ADH1A: variants seen among roughly 807,000 people sequenced by gnomAD.
The protein encoded by ADH1A is alcohol dehydrogenase 1A.
A neutral mutation model predicts 35.2 loss-of-function variants in ADH1A; 29 were observed. That is an observed-to-expected ratio of 0.82 (90% CI 0.61 to 1.12). The LOEUF (loss-of-function observed/expected upper bound fraction) is 1.12, where lower values mean the gene tolerates loss of function less well. Among genes scored for constraint, ADH1A ranks in the 50% most tolerant of loss-of-function variants. ADH1A has a pLI of 0.00. For missense variants in ADH1A, 469 were observed against 464.7 expected (o/e 1.01, Z -0.09); for synonymous variants, 147 against 164.8 (o/e 0.89, Z 0.83).
chr4:99,279,689 A>C, intron 7 of ADH1A, 125 bp from the exon 8 acceptor site: 1 of 1,182,752 alleles, frequency 8.5e-7, no homozygotes, highest in South Asian at 1.4e-5. Flanking sequence ...ACTGAGGTTA[A>C]TAAGAGATAC....
chr4:99,279,519 A>T lies in ADH1A; in HGVS notation c.1010T>A (p.Met337Lys). ...ECVPKLVADF[M>K]AKKFSLDALI... is the part of the protein sequence containing the mutation. ...TGCATCCAATGAAAACTTCTTAGCC[A>T]TAAAATCAGCCACAAGTTTTGGGAC... Residue 337 changes from methionine to lysine, a missense_variant, in exon 8 of 9, where the codon ATG (methionine) becomes AAG (lysine). Coordinates refer to ENST00000209668, the MANE Select transcript of ADH1A (RefSeq NM_000667.4). 2 of 1,611,196 alleles carry T rather than the reference A, an allele frequency of 1.2e-6. No individual in the cohort carries two copies. Among genetic ancestry groups the T allele is most frequent in the Non-Finnish European group, 1.7e-6 (2 of 1,179,084 alleles).
Position 99,284,752 on chromosome 4 carries a change from C to A in ADH1A, c.311G>T (p.Cys104Phe). The change falls in exon 4 of 9, where the codon TGT becomes TTT. Residue 104 changes from cysteine to phenylalanine, a missense_variant. Coordinates refer to ENST00000209668, the MANE Select transcript of ADH1A (RefSeq NM_000667.4). ...GCAGTAGTTGCTCTCCGGGTTTTTA[C>A]AAATTCTGCATTTTCCACACTGAGG... Reference protein sequence around the residue: ...AIPQCGKCRICKNPESNYCLK... With the variant: ...AIPQCGKCRIFKNPESNYCLK... 1.2e-6 allele frequency: 2 copies of A among 1,614,146 alleles called. No individual in the cohort carries two copies. The highest frequency in any genetic ancestry group is 1.7e-6 in the Non-Finnish European group (2 of 1,180,032).
At chr4:99,276,740 T>G in intron 8 of ADH1A, 92 bp from the exon 9 acceptor site, 1 of 1,256,136 alleles carries the variant, frequency 8.0e-7, no homozygotes, top group South Asian at 1.2e-5. Flanking sequence ...AGTGAAAATC[T>G]GTCTGTTCTC....
chr4:99,279,350 C>T, intron 8 of ADH1A, 76 bp downstream of exon 8: 1 of 1,504,658 alleles, frequency 6.6e-7, no homozygotes, highest in Non-Finnish European at 8.8e-7. Flanking sequence ...CTCATCCTTC[C>T]ACCTTTTCAT....
intron 6 of ADH1A, among the ~76,000 whole-genome samples, chr4:99,281,598 C>G (rs957360534): frequency 1.3e-5 from 2 of 151,972 alleles, no homozygotes; most frequent in African/African-American, 4.8e-5. Context: ...AGAGTGAGAC[C>G]CTGTCTCAAA....
At chr4:99,277,976 C>T (rs1233557683) in intron 8 of ADH1A, among the ~76,000 whole-genome samples, 5 of 151,790 alleles carry the variant, frequency 3.3e-5, no homozygotes, top group Non-Finnish European at 7.4e-5. Flanking sequence ...AATTGCTTTC[C>T]CAAAAGGATG....
At chr4:99,279,753 C>T (rs1732952489) in intron 7 of ADH1A, among the ~76,000 whole-genome samples, 189 bp from the exon 8 acceptor site, 1 of 151,976 alleles carries the variant, frequency 6.6e-6, no homozygotes, top group South Asian at 2.1e-4. Flanking sequence ...CACAGATAAA[C>T]AAGGGTCCCT....
intron 1 of ADH1A, among the ~76,000 whole-genome samples, chr4:99,289,739 T>A (rs1733245013): frequency 2.0e-5 from 3 of 152,232 alleles, no homozygotes; most frequent in African/African-American, 7.2e-5. Context: ...GTCTATTTCA[T>A]CAGTTATTAT....
intron 3 of ADH1A, 24 bp downstream of exon 3, chr4:99,286,826 G>T (rs1733162876): frequency 6.2e-7 from 1 of 1,611,796 alleles, no homozygotes; most frequent in Non-Finnish European, 8.5e-7. Context: ...GAACCATCAT[G>T]TTTCCTGAAT....
At chr4:99,279,901 TAC>T (rs1307860336) in intron 7 of ADH1A, among the ~76,000 whole-genome samples, 1 of 152,168 alleles carries the variant, frequency 6.6e-6, no homozygotes, top group Non-Finnish European at 1.5e-5. Flanking sequence ...TCCCATGCCT[TAC>T]ACAGTTACAA....
In ADH1A at chr4:99,276,420, C is replaced by G; in HGVS notation, c.*204G>C. 1 of 604,428 alleles carries G rather than the reference C, an allele frequency of 1.7e-6. No homozygotes were observed. Among genetic ancestry groups the G allele is most frequent in the Non-Finnish European group, 2.9e-6 (1 of 341,834 alleles). The allele number at this position is 604,428 out of a possible 1,614,324, so 37.4% of individuals were successfully genotyped here. ...TCAATTCCCCAGCTGATGTTCAACA[C>G]TTTATTTAGTTCTCATTTGGATTTT... On this transcript the variant is annotated 3_prime_UTR_variant, in exon 9 of 9. Transcript: ENST00000209668.
At position 99,276,625 on chromosome 4, in the gene ADH1A, C is replaced by T. The variant is rs772959085; in HGVS notation, c.1127G>A (p.Ter376=). 1.2e-6 allele frequency: 2 copies of T among 1,612,186 alleles called. No individual in the cohort carries two copies. The highest frequency in any genetic ancestry group is 1.7e-5 in the Admixed American group (1 of 59,968). ...GKSIRTILMF[*] Reference sequence around the variant, plus strand: ...ACAAGGGAAAACATCTGTATTGTCTCAAAACATCAGAATGGTACGGATACT... The same window carrying T: ...ACAAGGGAAAACATCTGTATTGTCTTAAAACATCAGAATGGTACGGATACT... Residue 376 remains the stop codon, a stop_retained_variant, in exon 9 of 9, where the codon TGA becomes TAA. Transcript: ENST00000209668.
At chr4:99,288,903 G>T (rs188219770) in intron 1 of ADH1A, 5 of 152,054 alleles carry the variant, frequency 3.3e-5, no homozygotes, top group African/African-American at 1.2e-4. Context: ...CTGAGATTTT[G>T]GTGCACCCTT....
At position 99,290,937 on chromosome 4, in the gene ADH1A, A is replaced by C; in HGVS notation, c.-23T>G. 6.2e-7 allele frequency: 1 copy of C among 1,613,824 alleles called. No homozygotes were observed. Among genetic ancestry groups the C allele is most frequent in the Non-Finnish European group, 8.5e-7 (1 of 1,179,754 alleles). ...CATGTTGATTCTGTCTTCTCTGCAG[A>C]CCAGGAGACTGGTGAGTCCTTGTGG... On this transcript the variant is annotated 5_prime_UTR_variant, in exon 1 of 9. Coordinates refer to ENST00000209668, the MANE Select transcript of ADH1A (RefSeq NM_000667.4).
chr4:99,285,716 T>A (rs1475679824), intron 3 of ADH1A, among the ~76,000 whole-genome samples: 2 of 152,094 alleles, frequency 1.3e-5, no homozygotes, highest in African/African-American at 4.8e-5. Flanking sequence ...AAATAAGTAT[T>A]TGGTAAAGTG....
intron 5 of ADH1A, 39 bp downstream of exon 5, chr4:99,284,360 C>G: frequency 6.2e-7 from 1 of 1,600,266 alleles, no homozygotes. Flanking sequence ...TCCTGACAGT[C>G]TGCGTGTAAC....
Position 99,280,238 on chromosome 4 carries a change from A to G in ADH1A, c.870T>C (p.Ser290=). ...LLCCHEACGT[S]VIVGVPPDSQ... is the part of the protein sequence containing the mutation. ...AATCAGGAGGTACCCCTACGATGAC[A>G]CTTGTGCCACATGCCTCATGACAAC... is the stretch of plus-strand genomic sequence containing the variant. Residue 290 remains serine, a synonymous_variant, in exon 7 of 9, where the codon AGT becomes AGC. Transcript: ENST00000209668. 1 of 1,613,874 alleles carries G rather than the reference A, an allele frequency of 6.2e-7. No individual in the cohort carries two copies.
intron 8 of ADH1A, 32 bp from the exon 9 acceptor site, chr4:99,276,680 CA>C (rs1273993236): frequency 1.1e-5 from 18 of 1,595,402 alleles, no homozygotes; most frequent in Non-Finnish European, 1.5e-5. Flanking sequence ...ATTGTATTAG[CA>C]TTTAGACATG....
chr4:99,283,929 G>A (rs1733068598), intron 5 of ADH1A, among the ~76,000 whole-genome samples: 2 of 152,160 alleles, frequency 1.3e-5, no homozygotes, highest in Admixed American at 6.5e-5. Flanking sequence ...TGGTTTGGAG[G>A]TGCATCAGGT....
Sources: allele counts gnomAD v4.1 joint callset (sites outside exome capture counted in the v4.1 genomes callset), GRCh38; gene constraint gnomAD v4.1.1; transcripts MANE v1.5; gene names NCBI Gene and HGNC (gene_info 2026-07-23, HGNC 2026-07-21).